ERBB4: variants seen among roughly 807,000 people sequenced by gnomAD.
The protein encoded by ERBB4 is receptor tyrosine-protein kinase erbB-4.
In ERBB4, 42 loss-of-function variants were observed where a neutral mutation model predicts 158.0. The ratio of observed to expected loss-of-function variants is 0.27; its 90% CI spans 0.21 to 0.34. The LOEUF (loss-of-function observed/expected upper bound fraction) is 0.34, where lower values mean the gene tolerates loss of function less well. ERBB4 is among the 10% of genes least tolerant of loss of function. ERBB4 has a pLI of 1.00. For synonymous variants in ERBB4, 583 were observed against 558.7 expected, an observed-to-expected ratio of 1.04 and a Z score of -0.61; for missense variants, 1,333 against 1,624.1, an observed-to-expected ratio of 0.82 and a Z score of 3.08.
At chr2:212,510,727 C>G (rs542339448) in intron 1 of ERBB4, among the ~76,000 whole-genome samples, 1 of 152,082 alleles carries the variant, frequency 6.6e-6, no homozygotes, top group South Asian at 2.1e-4. Flanking sequence ...CAATTTTCAA[C>G]ATATAAGTGG....
chr2:212,230,787 C>A (rs1004967513), intron 1 of ERBB4, among the ~76,000 whole-genome samples: 4 of 152,062 alleles, frequency 2.6e-5, no homozygotes. Context: ...AGTTATAATA[C>A]AAAAGTTTTT....
chr2:211,815,045 A>G (rs111462386), intron 3 of ERBB4, among the ~76,000 whole-genome samples: 2 of 152,166 alleles, frequency 1.3e-5, no homozygotes, highest in Non-Finnish European at 2.9e-5. Context: ...TTTTCCTCTC[A>G]AAAGGCTTCT....
chr2:211,889,873 T>C lies in ERBB4; in HGVS notation c.421+57557A>G, dbSNP rs2078916838. 3.4e-5 allele frequency among the ~76,000 whole-genome samples: 5 copies of C among 149,098 alleles called. No individual in the cohort carries two copies. In the Admixed American group the frequency reaches 3.4e-4, roughly 10 times the overall value. ...TTAGAGAAAAAAGAATAAAAAGAAATGAGCAAAGCCTCCAAGAAATATGGG... is the reference window on the plus strand; with the variant it reads ...TTAGAGAAAAAAGAATAAAAAGAAACGAGCAAAGCCTCCAAGAAATATGGG... On this transcript the variant is annotated intron_variant, in intron 3 of 27. Coordinates refer to ENST00000342788, the MANE Select transcript of ERBB4 (RefSeq NM_005235.3).
At chr2:211,425,900 T>A (rs143046106) in intron 22 of ERBB4, among the ~76,000 whole-genome samples, 2,332 of 152,146 alleles carry the variant, frequency 0.015, 35 homozygotes, top group Non-Finnish European at 0.025. Flanking sequence ...CCCAGGCTGG[T>A]CTCAAACTCC....
At chr2:211,721,589 A>G (rs1011500853) in intron 7 of ERBB4, among the ~76,000 whole-genome samples, 1 of 145,312 alleles carries the variant, frequency 6.9e-6, no homozygotes, top group Admixed American at 7.0e-5. Context: ...ATATATATAC[A>G]TGTTTTATTT....
chr2:211,547,049 C>T (rs1201886285), intron 20 of ERBB4, among the ~76,000 whole-genome samples: 1 of 151,964 alleles, frequency 6.6e-6, no homozygotes, highest in African/African-American at 2.4e-5. Context: ...ACTACACACG[C>T]ACATACACAC....
chr2:211,524,681 G>A (rs1002627796), intron 20 of ERBB4, among the ~76,000 whole-genome samples: 2 of 124,122 alleles, frequency 1.6e-5, no homozygotes, highest in African/African-American at 4.2e-5. Flanking sequence ...GTGCGGGGCC[G>A]CCAAGCCCAC....
intron 2 of ERBB4, 115 bp downstream of exon 2, chr2:212,124,637 C>A: frequency 8.5e-7 from 1 of 1,178,594 alleles, no homozygotes. Context: ...CCTATAGTCA[C>A]AGTGCCTGCC....
In ERBB4 at chr2:211,422,054, C is replaced by T; in HGVS notation, c.2917G>A (p.Glu973Lys). 1.9e-6 allele frequency: 3 copies of T among 1,612,636 alleles called. No homozygotes were observed. Among genetic ancestry groups the T allele is most frequent in the East Asian group, 2.2e-5 (1 of 44,842 alleles). ...GGGTCTCGAGCCATCCTTGAAAACT[C>T]AGCAGCCAGTTCCTTAAATTTAGGT... Reference protein sequence around the residue: ...SRPKFKELAAEFSRMARDPQR... With the variant: ...SRPKFKELAAKFSRMARDPQR... The change falls in exon 24 of 28, where the codon GAG (glutamate) becomes AAG (lysine). Residue 973 changes from glutamate (E) to lysine (K), a missense_variant. This residue lies in a region of ERBB4 where 314 missense variants were observed against 437.6 expected (regional missense o/e 0.72). Coordinates refer to ENST00000342788, the MANE Select transcript of ERBB4 (RefSeq NM_005235.3).
chr2:212,181,435 A>C (rs2081860217), intron 1 of ERBB4, among the ~76,000 whole-genome samples: 1 of 151,660 alleles, frequency 6.6e-6, no homozygotes, highest in Non-Finnish European at 1.5e-5. Flanking sequence ...TATTATGTAA[A>C]ATGCAGATCT....
At chr2:212,535,252 AT>A (rs754500240) in intron 1 of ERBB4, among the ~76,000 whole-genome samples, 2 of 152,048 alleles carry the variant, frequency 1.3e-5, no homozygotes, top group Non-Finnish European at 2.9e-5. Flanking sequence ...ATATATATAT[AT>A]GAGAATTTCA....
chr2:211,703,208 C>A (rs2073316027), intron 11 of ERBB4, among the ~76,000 whole-genome samples: 1 of 152,048 alleles, frequency 6.6e-6, no homozygotes, highest in South Asian at 2.1e-4. Context: ...TCATAACTAT[C>A]TTGAGTTGTT....
chr2:211,847,575 C>A (rs564581330), intron 3 of ERBB4, among the ~76,000 whole-genome samples: 7 of 152,222 alleles, frequency 4.6e-5, no homozygotes, highest in Admixed American at 2.0e-4. Context: ...ACATGTGGCC[C>A]AGAACAGCTT....
chr2:212,309,219 C>T lies in ERBB4; in HGVS notation c.83-184316G>A, dbSNP rs541610712. 4.6e-5 allele frequency among the ~76,000 whole-genome samples: 7 copies of T among 150,926 alleles called. No homozygotes were observed. In the East Asian group the frequency reaches 5.9e-4, roughly 13 times the overall value. On this transcript the variant is annotated intron_variant, in intron 1 of 27. Transcript: ENST00000342788. ...TCTGATTTGAGAACCAGACTATTTACGTAATCCAAAGAAAAATACAACCAA... is the reference window on the plus strand; with the variant it reads ...TCTGATTTGAGAACCAGACTATTTATGTAATCCAAAGAAAAATACAACCAA...
chr2:212,400,600 T>C (rs2091174823), intron 1 of ERBB4, among the ~76,000 whole-genome samples: 1 of 152,198 alleles, frequency 6.6e-6, no homozygotes, highest in Non-Finnish European at 1.5e-5. Context: ...AAATTTTACA[T>C]TGAATAGATT....
In ERBB4 at chr2:211,947,369, A is replaced by G. The variant is rs899307930; in HGVS notation, c.421+61T>C. ...GTAACAAATATGACAGTAACCCTAC[A>G]TATACAATTGCCTTATATTGATAAT... On this transcript the variant is annotated intron_variant, in intron 3 of 27. Transcript: ENST00000342788. 24 of 1,313,830 alleles carry G rather than the reference A, an allele frequency of 1.8e-5. No homozygotes were observed. The African/African-American group carries it at 3.0e-4, about 17-fold the overall frequency. The allele number at this position is 1,313,830 out of a possible 1,614,324, so 81.4% of individuals were successfully genotyped here. A position where few individuals can be genotyped will look rare whatever the true frequency, so the allele number is the denominator to read the frequency against.
At chr2:211,510,618 G>T (rs2065862570) in intron 20 of ERBB4, among the ~76,000 whole-genome samples, 1 of 151,948 alleles carries the variant, frequency 6.6e-6, no homozygotes, top group Non-Finnish European at 1.5e-5. Context: ...GATCTTTTCA[G>T]ATGTGATTAT....
chr2:212,467,356 G>C (rs916827199), intron 1 of ERBB4, among the ~76,000 whole-genome samples: 8 of 152,152 alleles, frequency 5.3e-5, no homozygotes, highest in African/African-American at 1.9e-4. Context: ...AGGCTTGAGA[G>C]GAAAAAGTGG....
chr2:212,414,549 C>G (rs891982763), intron 1 of ERBB4, among the ~76,000 whole-genome samples: 1 of 152,044 alleles, frequency 6.6e-6, no homozygotes, highest in African/African-American at 2.4e-5. Context: ...ACAGGCTTAA[C>G]GAAATTCCAA....
Sources: gnomAD v4.1 joint callset for allele counts (sites outside exome capture counted in the v4.1 genomes callset) on GRCh38, gnomAD v4.1.1 for gene constraint, gnomAD v4.1.1 regional missense constraint, MANE v1.5 for transcripts, NCBI Gene and HGNC (gene_info 2026-07-23, HGNC 2026-07-21) for gene names.